Variants in STK32A observed in about 807,000 individuals in gnomAD.
STK32A encodes the protein serine/threonine-protein kinase 32A.
STK32A carries 41 observed loss-of-function variants against 53.2 expected under a neutral mutation model. That is an observed-to-expected ratio of 0.77 (90% CI 0.60 to 1.00). STK32A has a LOEUF of 1.00. Among genes scored for constraint, STK32A ranks in the 50% least tolerant of loss-of-function variants. STK32A has a pLI of 0.00. For synonymous variants in STK32A, 166 were observed against 162.8 expected (o/e 1.02, Z -0.15); for missense variants, 458 against 485.8 (o/e 0.94, Z 0.54).
At chr5:147,317,313 CTT>C (rs1754045599) in intron 4 of STK32A, among the ~76,000 whole-genome samples, 1 of 97,246 alleles carries the variant, frequency 1.0e-5, no homozygotes, top group South Asian at 3.5e-4. Flanking sequence ...GTCTTTTTTT[CTT>C]TTTCTTTCTT....
intron 4 of STK32A, among the ~76,000 whole-genome samples, chr5:147,322,605 T>G (rs1754373054): frequency 1.3e-5 from 2 of 152,262 alleles, no homozygotes; most frequent in Non-Finnish European, 2.9e-5. Flanking sequence ...CACTTAATTC[T>G]TGATTCAAAT....
chr5:147,302,401 G>A (rs559030092), intron 4 of STK32A, among the ~76,000 whole-genome samples: 1 of 152,304 alleles, frequency 6.6e-6, no homozygotes, highest in South Asian at 2.1e-4. Context: ...GTTCCGAAGT[G>A]TAGACATTGG....
intron 2 of STK32A, among the ~76,000 whole-genome samples, chr5:147,248,502 G>A (rs1051644029): frequency 2.0e-5 from 3 of 152,116 alleles, no homozygotes; most frequent in Non-Finnish European, 2.9e-5. Flanking sequence ...AACCTGTAAC[G>A]CATTTAAAAT....
chr5:147,241,715 C>A (rs540874582), intron 2 of STK32A, among the ~76,000 whole-genome samples: 1 of 152,196 alleles, frequency 6.6e-6, no homozygotes, highest in Non-Finnish European at 1.5e-5. Flanking sequence ...GATCTAGAGA[C>A]TAGTGATATT....
At chr5:147,241,994 C>A (rs1753599893) in intron 2 of STK32A, among the ~76,000 whole-genome samples, 1 of 152,148 alleles carries the variant, frequency 6.6e-6, no homozygotes, top group Admixed American at 6.5e-5. Context: ...CCCAAGAAAG[C>A]TACATAACCA....
Position 147,296,072 on chromosome 5 carries a change from A to G in STK32A, c.260+16674A>G, listed in dbSNP as rs139667169. Reference sequence around the variant, plus strand: ...TTACAAATGGAGATTTCCTTTATCAATGTAAATTTCAATATAGCCAGCTAA... The same window carrying G: ...TTACAAATGGAGATTTCCTTTATCAGTGTAAATTTCAATATAGCCAGCTAA... On this transcript the variant is annotated intron_variant, in intron 4 of 12. Transcript: ENST00000397936. 4.7e-3 allele frequency among the ~76,000 whole-genome samples: 717 copies of G among 152,310 alleles called. 5 individuals are homozygous for G. The highest frequency in any genetic ancestry group is 0.015 in the African/African-American group (605 of 41,578).
At chr5:147,396,247 G>A in the STK32A span, among the ~76,000 whole-genome samples, 1 of 152,172 alleles carries the variant, frequency 6.6e-6, no homozygotes, top group South Asian at 2.1e-4. Flanking sequence ...GTGAGTGTCT[G>A]TGGTCTGACC....
At chr5:147,389,075 CT>C (rs1757736550), downstream of STK32A, among the ~76,000 whole-genome samples, 1 of 152,182 alleles carries the variant, frequency 6.6e-6, no homozygotes, top group African/African-American at 2.4e-5. Context: ...GACTGGGATT[CT>C]GAGCTTCTGT....
chr5:147,355,792 G>GTGTGTGTGTATATATATATATATATA (rs984298293), intron 7 of STK32A, among the ~76,000 whole-genome samples: 5 of 147,762 alleles, frequency 3.4e-5, no homozygotes, highest in Admixed American at 1.3e-4. Context: ...GTGTGTGTGT[G>GTGTGTGTGTATATATATATATATATA]TATATATATA....
At chr5:147,320,386 G>A (rs1052651531) in intron 4 of STK32A, among the ~76,000 whole-genome samples, 6 of 152,212 alleles carry the variant, frequency 3.9e-5, no homozygotes, top group Middle Eastern at 6.8e-3. Flanking sequence ...AGAACCTAGA[G>A]CATTTACATA....
Position 147,264,253 on chromosome 5 carries a change from GAGGCATGA to G in STK32A, c.53-13867_53-13860del, listed in dbSNP as rs560470655. ...CAAGAGCCAGGAATCTATCCTTAAA[GAGGCATGA>G]AGGAAAACCCCAGGGTGATGGTGAA... On this transcript the variant is annotated intron_variant, in intron 2 of 12. Transcript: ENST00000397936. Among the ~76,000 whole-genome samples the G allele has an allele frequency of 1.2e-4, 18 of 152,312 alleles. 1 individual carries two copies. In the South Asian group the frequency reaches 3.7e-3, roughly 32 times the overall value.
At chr5:147,321,511 T>C (rs901225723) in intron 4 of STK32A, among the ~76,000 whole-genome samples, 1 of 152,218 alleles carries the variant, frequency 6.6e-6, no homozygotes, top group African/African-American at 2.4e-5. Flanking sequence ...AAGGAAAGCA[T>C]GTTGCCTCTT....
chr5:147,311,376 T>G (rs1275222885), intron 4 of STK32A, among the ~76,000 whole-genome samples: 1 of 152,202 alleles, frequency 6.6e-6, no homozygotes, highest in South Asian at 2.1e-4. Context: ...AAAAAATATT[T>G]GTAAAATGAC....
intron 2 of STK32A, among the ~76,000 whole-genome samples, chr5:147,254,875 C>T (rs999536328): frequency 2.6e-5 from 4 of 152,032 alleles, no homozygotes; most frequent in African/African-American, 7.2e-5. Flanking sequence ...CGCGGTGGCT[C>T]ACGCCTGTAA....
At chr5:147,284,480 T>C (rs1363328079) in intron 4 of STK32A, among the ~76,000 whole-genome samples, 3 of 151,990 alleles carry the variant, frequency 2.0e-5, no homozygotes, top group Non-Finnish European at 2.9e-5. Flanking sequence ...TCACTGCTTG[T>C]TGGCGATATG....
At chr5:147,256,382 T>C (rs985693398) in intron 2 of STK32A, among the ~76,000 whole-genome samples, 2 of 152,218 alleles carry the variant, frequency 1.3e-5, no homozygotes, top group Non-Finnish European at 2.9e-5. Flanking sequence ...AGCCCATGCC[T>C]GGTTGACTGG....
At position 147,317,323 on chromosome 5, in the gene STK32A, C is replaced by CTTTTT. The variant is rs3064294; in HGVS notation, c.261-6555_261-6551dup. Among the ~76,000 whole-genome samples the CTTTTT allele has an allele frequency of 6.1e-3, 496 of 81,308 alleles. 15 individuals are homozygous for CTTTTT. The highest frequency in any genetic ancestry group is 8.6e-3 in the African/African-American group (173 of 20,070). 53.3% of individuals were successfully genotyped at this position (81,308 alleles called of 152,430 possible). ...TTAGGGTCTTTTTTTCTTTTTCTTT[C>CTTTTT]TTTTTTTTTTTTTTTTTTTTTTTTG... On this transcript the variant is annotated intron_variant, in intron 4 of 12. Coordinates refer to ENST00000397936, the MANE Select transcript of STK32A (RefSeq NM_001112724.2).
At position 147,366,341 on chromosome 5, in the gene STK32A, A is replaced by G. The variant is rs1439768351; in HGVS notation, c.661-4313A>G. Among the ~76,000 whole-genome samples the G allele has an allele frequency of 2.6e-5, 4 of 152,202 alleles. No homozygotes were observed. In the South Asian group the frequency reaches 8.3e-4, roughly 31 times the overall value. ...ATCACTCTGCGTAAGATTTGAAATC[A>G]CTAAATGAAGTTTTAATAAAGGATA... is the stretch of plus-strand genomic sequence containing the variant. On this transcript the variant is annotated intron_variant, in intron 8 of 12. Coordinates refer to ENST00000397936, the MANE Select transcript of STK32A (RefSeq NM_001112724.2).
chr5:147,252,873 A>G (rs1754058545), intron 2 of STK32A, among the ~76,000 whole-genome samples: 1 of 152,142 alleles, frequency 6.6e-6, no homozygotes, highest in Non-Finnish European at 1.5e-5. Context: ...GATTTTTGCT[A>G]TTTTGTTCAC....
Sources: gnomAD v4.1 joint callset for allele counts (sites outside exome capture counted in the v4.1 genomes callset) on GRCh38, gnomAD v4.1.1 for gene constraint, MANE v1.5 for transcripts, NCBI Gene and HGNC (gene_info 2026-07-23, HGNC 2026-07-21) for gene names.